Variants in COG5 observed in about 807,000 individuals in gnomAD.
The protein encoded by COG5 is component of oligomeric golgi complex 5.
A neutral mutation model predicts 110.4 loss-of-function variants in COG5; 86 were observed. The observed-to-expected ratio is 0.78, with a 90% CI of 0.65 to 0.93. The LOEUF is 0.93. Among genes scored for constraint, COG5 ranks in the 40% least tolerant of loss-of-function variants. COG5 has a pLI of 0.00. For missense variants in COG5, 1,077 were observed against 987.0 expected, an observed-to-expected ratio of 1.09 and a Z score of -1.22; for synonymous variants, 360 against 334.6, an observed-to-expected ratio of 1.08 and a Z score of -0.83.
chr7:107,325,925 C>T lies in COG5; in HGVS notation c.1027-1404G>A, dbSNP rs369181622. ...AAATCATTGTTGATTTCTTATGCAA[C>T]GATCAGAAAATACATTCAGATTCCT... is the stretch of plus-strand genomic sequence containing the variant. On this transcript the variant is annotated intron_variant, in intron 10 of 21. Transcript: ENST00000297135. Among the ~76,000 whole-genome samples the T allele has an allele frequency of 1.1e-4, 17 of 152,168 alleles. No homozygotes were observed. In the East Asian group the frequency reaches 1.9e-3, roughly 17 times the overall value.
intron 10 of COG5, among the ~76,000 whole-genome samples, chr7:107,350,358 G>C (rs181683985): frequency 6.6e-6 from 1 of 151,522 alleles, no homozygotes; most frequent in Non-Finnish European, 1.5e-5. Flanking sequence ...CTTTTATTTC[G>C]ACAACTTGAT....
At chr7:107,344,600 C>T (rs983995902) in intron 10 of COG5, among the ~76,000 whole-genome samples, 6 of 152,182 alleles carry the variant, frequency 3.9e-5, no homozygotes, top group Admixed American at 1.3e-4. Context: ...TCTGGGCTCA[C>T]CACAACCTCC....
At chr7:107,319,204 CATT>C (rs1809032633) in intron 11 of COG5, among the ~76,000 whole-genome samples, 1 of 151,666 alleles carries the variant, frequency 6.6e-6, no homozygotes, top group Admixed American at 6.6e-5. Flanking sequence ...CCATTTATCT[CATT>C]ATATGTTATT....
chr7:107,435,373 C>A (rs1310702210), intron 6 of COG5, among the ~76,000 whole-genome samples: 1 of 152,014 alleles, frequency 6.6e-6, no homozygotes, highest in Non-Finnish European at 1.5e-5. Flanking sequence ...TGAAATCTGG[C>A]CAGGCGCGGT....
At chr7:107,561,709 G>T (rs1803786965) in intron 1 of COG5, among the ~76,000 whole-genome samples, 1 of 152,210 alleles carries the variant, frequency 6.6e-6, no homozygotes, top group Admixed American at 6.5e-5. Context: ...GGGCGTGGTG[G>T]CTCACGCCTG....
At chr7:107,389,881 G>T (rs2129056227) in intron 7 of COG5, among the ~76,000 whole-genome samples, 1 of 152,064 alleles carries the variant, frequency 6.6e-6, no homozygotes, top group Admixed American at 6.5e-5. Flanking sequence ...TTCCAGTAAT[G>T]ACTATACTAT....
intron 3 of COG5, among the ~76,000 whole-genome samples, chr7:107,548,885 T>C (rs1381634957): frequency 2.0e-5 from 3 of 152,228 alleles, no homozygotes; most frequent in Non-Finnish European, 2.9e-5. Context: ...TAAATTTTAT[T>C]ATTTAGGCTT....
At chr7:107,308,908 G>A (rs1807966657) in intron 11 of COG5, among the ~76,000 whole-genome samples, 1 of 142,992 alleles carries the variant, frequency 7.0e-6, no homozygotes, top group African/African-American at 2.6e-5. Flanking sequence ...AGTAGTCTCT[G>A]ATATCTCCTT....
At chr7:107,271,653 C>G (rs1012393347) in intron 14 of COG5, among the ~76,000 whole-genome samples, 1 of 152,040 alleles carries the variant, frequency 6.6e-6, no homozygotes, top group African/African-American at 2.4e-5. Flanking sequence ...ACCTTGTATA[C>G]AATGATTTTA....
intron 11 of COG5, among the ~76,000 whole-genome samples, chr7:107,323,675 A>G (rs1489830848): frequency 1.3e-5 from 2 of 152,232 alleles, no homozygotes; most frequent in Non-Finnish European, 2.9e-5. Context: ...TTCATTAGAA[A>G]TAAGTAGAGA....
intron 11 of COG5, among the ~76,000 whole-genome samples, chr7:107,307,951 C>T (rs757634149): frequency 6.6e-6 from 1 of 152,118 alleles, no homozygotes; most frequent in African/African-American, 2.4e-5. Context: ...CCACAGTTCT[C>T]TTATACTTTA....
intron 17 of COG5, 150 bp from the exon 18 acceptor site, chr7:107,236,837 C>T (rs750184622): frequency 2.5e-5 from 17 of 669,144 alleles, no homozygotes; most frequent in African/African-American, 5.4e-5. Context: ...TTTTGATAAG[C>T]GTTAGCAGAA....
At chr7:107,414,425 T>C (rs1792544131) in intron 6 of COG5, among the ~76,000 whole-genome samples, 1 of 152,074 alleles carries the variant, frequency 6.6e-6, no homozygotes. Context: ...GTGCTTTTAG[T>C]GGAAAAGAAA....
intron 10 of COG5, among the ~76,000 whole-genome samples, chr7:107,361,623 G>A (rs533277453): frequency 9.2e-5 from 14 of 152,248 alleles, no homozygotes; most frequent in African/African-American, 1.7e-4. Context: ...GTGCAGTGGC[G>A]TGACCTCAGC....
chr7:107,289,202 G>A (rs1349499241), intron 12 of COG5, among the ~76,000 whole-genome samples: 1 of 151,550 alleles, frequency 6.6e-6, no homozygotes, highest in African/African-American at 2.4e-5. Context: ...TATATGATGT[G>A]AAGGGCACCA....
chr7:107,277,840 T>G (rs1804825900), intron 14 of COG5, among the ~76,000 whole-genome samples: 1 of 152,128 alleles, frequency 6.6e-6, no homozygotes, highest in African/African-American at 2.4e-5. Context: ...ATACCTTTGG[T>G]GATTAGTAAC....
chr7:107,283,669 T>C lies in COG5; in HGVS notation c.1377A>G (p.Leu459=), dbSNP rs2116813898. The change falls in exon 13 of 22, where the codon TTA becomes TTG. Residue 459 remains leucine (L), a synonymous_variant. Coordinates refer to ENST00000297135, the MANE Select transcript of COG5 (RefSeq NM_006348.5). ...PYEAAYLSKS[L]SRLFDPINLV... The stretch of plus-strand genomic sequence containing the variant: ...AGTTGATAGGATCGAAGAGTCGAGA[T>C]AAGGATTTTGATAGATAAGCAGCCT... 3.1e-6 allele frequency: 5 copies of C among 1,614,010 alleles called. No homozygotes were observed. Among genetic ancestry groups the C allele is most frequent in the Non-Finnish European group, 4.2e-6 (5 of 1,179,906 alleles).
intron 7 of COG5, among the ~76,000 whole-genome samples, chr7:107,401,869 C>T (rs892354600): frequency 2.0e-5 from 3 of 152,192 alleles, no homozygotes; most frequent in Non-Finnish European, 4.4e-5. Flanking sequence ...GCCTGCAGAA[C>T]TACTATCGCA....
At chr7:107,547,376 C>T (rs1802528076) in intron 5 of COG5, among the ~76,000 whole-genome samples, 1 of 152,074 alleles carries the variant, frequency 6.6e-6, no homozygotes, top group African/African-American at 2.4e-5. Context: ...TACCTCAACG[C>T]AATAGAGGCC....
Sources: allele counts gnomAD v4.1 joint callset (sites outside exome capture counted in the v4.1 genomes callset), GRCh38; gene constraint gnomAD v4.1.1; transcripts MANE v1.5; gene names NCBI Gene and HGNC (gene_info 2026-07-23, HGNC 2026-07-21).